SGIP1: variants seen among roughly 807,000 people sequenced by gnomAD.
The protein encoded by SGIP1 is SH3GL interacting endocytic adaptor 1.
A neutral mutation model predicts 107.5 loss-of-function variants in SGIP1; 38 were observed. The observed-to-expected ratio is 0.35, with a 90% confidence interval of 0.27 to 0.46. The LOEUF (loss-of-function observed/expected upper bound fraction) is 0.46. Among genes scored for constraint, SGIP1 ranks in the 20% least tolerant of loss-of-function variants. The pLI, the probability that SGIP1 is intolerant of heterozygous loss-of-function variation, is 1.00. For missense variants in SGIP1, 929 were observed against 1,019.5 expected, an observed-to-expected ratio of 0.91 and a Z score of 1.21; for synonymous variants, 365 against 366.1, an observed-to-expected ratio of 1.00 and a Z score of 0.03.
chr1:66,671,726 A>G (rs942954999), intron 10 of SGIP1, among the ~76,000 whole-genome samples: 1 of 152,218 alleles, frequency 6.6e-6, no homozygotes, highest in Non-Finnish European at 1.5e-5. Flanking sequence ...GAAGTTCCTT[A>G]GTTAATGAGG....
chr1:66,562,642 T>G (rs2059118639), intron 1 of SGIP1, among the ~76,000 whole-genome samples: 1 of 152,096 alleles, frequency 6.6e-6, no homozygotes, highest in East Asian at 1.9e-4. Flanking sequence ...TGTTTTGGTT[T>G]TTTTCTTTAG....
intron 7 of SGIP1, among the ~76,000 whole-genome samples, chr1:66,652,269 C>A (rs2078908625): frequency 6.6e-6 from 1 of 152,108 alleles, no homozygotes; most frequent in Admixed American, 6.6e-5. Flanking sequence ...CATTAAATAT[C>A]AATCACCTTC....
intron 1 of SGIP1, among the ~76,000 whole-genome samples, chr1:66,562,304 T>G (rs902020115): frequency 6.6e-6 from 1 of 151,952 alleles, no homozygotes; most frequent in African/African-American, 2.4e-5. Context: ...GCAATAGATA[T>G]TAGAGGAAAT....
Position 66,562,605 on chromosome 1 carries a change from C to T in SGIP1, c.10+28237C>T, listed in dbSNP as rs78508211. Among the ~76,000 whole-genome samples the T allele has an allele frequency of 4.0e-3, 608 of 152,158 alleles. 3 individuals are homozygous for T. The highest frequency in any genetic ancestry group is 5.8e-3 in the Non-Finnish European group (396 of 67,958). Reference sequence around the variant, plus strand: ...ACCAGCGGCAGAATATGCTTAGGACCGAAACTTCTTGCTCAATTTGTTTAT... The same window carrying T: ...ACCAGCGGCAGAATATGCTTAGGACTGAAACTTCTTGCTCAATTTGTTTAT... On this transcript the variant is annotated intron_variant, in intron 1 of 24. Coordinates refer to ENST00000371037, the MANE Select transcript of SGIP1 (RefSeq NM_032291.4).
At chr1:66,715,805 T>C (rs2093205326) in intron 18 of SGIP1, among the ~76,000 whole-genome samples, 1 of 152,180 alleles carries the variant, frequency 6.6e-6, no homozygotes, top group Non-Finnish European at 1.5e-5. Flanking sequence ...AATTGTTTCA[T>C]TAATTTTAAA....
intron 1 of SGIP1, among the ~76,000 whole-genome samples, chr1:66,545,681 G>C (rs2056228518): frequency 7.6e-6 from 1 of 131,666 alleles, no homozygotes; most frequent in Non-Finnish European, 1.6e-5. Context: ...TACATACAGA[G>C]AGAAAGAGAG....
chr1:66,560,214 C>T (rs144212596), intron 1 of SGIP1, among the ~76,000 whole-genome samples: 31 of 152,054 alleles, frequency 2.0e-4, no homozygotes, highest in South Asian at 8.3e-4. Context: ...TAACCTTTAC[C>T]GCAGCTTTCT....
intron 18 of SGIP1, chr1:66,704,451 T>C (rs1450771669): frequency 6.6e-6 from 1 of 152,148 alleles, no homozygotes; most frequent in Non-Finnish European, 1.5e-5. Flanking sequence ...TCAACACTGA[T>C]GGGAGATGTG....
intron 2 of SGIP1, 36 bp from the exon 3 acceptor site, chr1:66,633,034 C>CT: frequency 7.2e-7 from 1 of 1,382,394 alleles, no homozygotes; most frequent in Non-Finnish European, 1.0e-6. Context: ...AGAATGATTC[C>CT]TTATCATAAT....
chr1:66,730,449 G>C (rs2093955509), intron 20 of SGIP1, among the ~76,000 whole-genome samples: 1 of 152,124 alleles, frequency 6.6e-6, no homozygotes, highest in Admixed American at 6.5e-5. Context: ...ATCAAGTCCT[G>C]ATGTTCATCT....
intron 1 of SGIP1, among the ~76,000 whole-genome samples, chr1:66,581,298 G>A (rs1021960849): frequency 3.3e-5 from 5 of 152,052 alleles, no homozygotes; most frequent in African/African-American, 1.2e-4. Flanking sequence ...TACTAGTTAT[G>A]CAAACTCAGG....
chr1:66,612,036 A>G (rs1431119966), intron 1 of SGIP1, among the ~76,000 whole-genome samples: 1 of 152,060 alleles, frequency 6.6e-6, no homozygotes, highest in East Asian at 1.9e-4. Flanking sequence ...GAGAAGGTTT[A>G]TTTGGCTTTC....
chr1:66,589,186 AT>A (rs2063168437), intron 1 of SGIP1, among the ~76,000 whole-genome samples: 1 of 52,898 alleles, frequency 1.9e-5, no homozygotes, highest in Non-Finnish European at 3.4e-5. Flanking sequence ...ATATATATAT[AT>A]ATATATATAT....
At chr1:66,632,246 G>A (rs552135372) in intron 2 of SGIP1, among the ~76,000 whole-genome samples, 2 of 152,172 alleles carry the variant, frequency 1.3e-5, no homozygotes, top group African/African-American at 4.8e-5. Flanking sequence ...CATCTTACTC[G>A]AAAGCCCTTG....
chr1:66,706,944 A>G (rs1391369491), intron 18 of SGIP1, among the ~76,000 whole-genome samples: 1 of 152,174 alleles, frequency 6.6e-6, no homozygotes, highest in Non-Finnish European at 1.5e-5. Context: ...GCATATTATT[A>G]CTTTTAAAAA....
intron 7 of SGIP1, among the ~76,000 whole-genome samples, chr1:66,646,871 G>A (rs976662770): frequency 1.3e-5 from 2 of 152,258 alleles, no homozygotes; most frequent in Admixed American, 1.3e-4. Flanking sequence ...CCAGGACAAG[G>A]CAGAGCACCA....
At chr1:66,601,670 A>C (rs2065863683) in intron 1 of SGIP1, among the ~76,000 whole-genome samples, 1 of 152,180 alleles carries the variant, frequency 6.6e-6, no homozygotes, top group Non-Finnish European at 1.5e-5. Context: ...GTTCCACTGG[A>C]CCCAGAATAC....
rs116528196 is a variant in SGIP1 at position 66,546,165 on chromosome 1, T to G, written c.10+11797T>G. ...GTCATGTGCACATCAGAGGTCCCAG[T>G]AAAGTTCCTGGATGCCAGGCAATAC... is the stretch of plus-strand genomic sequence containing the variant. On this transcript the variant is annotated intron_variant, in intron 1 of 24. Transcript: ENST00000371037. 1.8e-3 allele frequency among the ~76,000 whole-genome samples: 271 copies of G among 152,286 alleles called. 1 individual carries two copies. Among genetic ancestry groups the G allele is most frequent in the African/African-American group, 6.4e-3 (265 of 41,566 alleles).
rs117493080 is a variant in SGIP1 at position 66,579,999 on chromosome 1, A to G, written c.10+45631A>G. On this transcript the variant is annotated intron_variant, in intron 1 of 24. Coordinates refer to ENST00000371037, the MANE Select transcript of SGIP1 (RefSeq NM_032291.4). Reference sequence around the variant, plus strand: ...TATAATCACTCCTCACCTTCTCCAAATCTTTCACTCTGATCTAAGGCACAA... The same window carrying G: ...TATAATCACTCCTCACCTTCTCCAAGTCTTTCACTCTGATCTAAGGCACAA... Among the ~76,000 whole-genome samples the G allele has an allele frequency of 1.0e-3, 155 of 152,164 alleles. 2 individuals are homozygous for G. In the East Asian group the frequency reaches 0.026, roughly 26 times the overall value.
Sources: allele counts gnomAD v4.1 joint callset (sites outside exome capture counted in the v4.1 genomes callset), GRCh38; gene constraint gnomAD v4.1.1; transcripts MANE v1.5; gene names NCBI Gene and HGNC (gene_info 2026-07-23, HGNC 2026-07-21).